MACROD2: variants seen among roughly 807,000 people sequenced by gnomAD.
MACROD2 encodes the protein mono-ADP ribosylhydrolase 2.
In MACROD2, 36 loss-of-function variants were observed where a neutral mutation model predicts 70.4. That is an observed-to-expected ratio of 0.51 (90% CI 0.39 to 0.68). The LOEUF is 0.68. Ranked by LOEUF, MACROD2 falls within the 30% of genes least tolerant of loss-of-function variation. The pLI is 0.00. For missense variants in MACROD2, 496 were observed against 538.4 expected (o/e 0.92, Z 0.78); for synonymous variants, 172 against 178.8 (o/e 0.96, Z 0.30).
At chr20:15,916,786 A>C (rs1353111037) in intron 10 of MACROD2, among the ~76,000 whole-genome samples, 1 of 152,224 alleles carries the variant, frequency 6.6e-6, no homozygotes, top group African/African-American at 2.4e-5. Flanking sequence ...AGGTTATCTT[A>C]ACAGAGGATC....
intron 2 of MACROD2, among the ~76,000 whole-genome samples, chr20:14,016,327 T>C (rs1030297862): frequency 1.3e-5 from 2 of 152,202 alleles, no homozygotes; most frequent in Non-Finnish European, 2.9e-5. Flanking sequence ...TTATCAGATA[T>C]ATTATTTGCA....
rs542404456 is a variant in MACROD2, at chr20:15,626,864, CA to C, written c.645+127026del. Among the ~76,000 whole-genome samples, 110 of 150,146 alleles carry C rather than the reference CA, an allele frequency of 7.3e-4. No homozygotes were observed. The Middle Eastern group carries it at 0.01, about 14-fold the overall frequency. ...AACAAGACTCCATACCCCACCCCCCCAAAAAAAAATTGCAAATGACTGTAAT... is the reference window on the plus strand; with the variant it reads ...AACAAGACTCCATACCCCACCCCCCCAAAAAAAATTGCAAATGACTGTAAT... On this transcript the variant is annotated intron_variant, in intron 8 of 17. Transcript: ENST00000684519.
chr20:15,824,582 T>G (rs1035077861), intron 8 of MACROD2, among the ~76,000 whole-genome samples: 2 of 152,198 alleles, frequency 1.3e-5, no homozygotes, highest in Non-Finnish European at 2.9e-5. Context: ...GACATAGTGA[T>G]GCTAGATATT....
At chr20:14,499,518 G>A (rs1428787781) in intron 4 of MACROD2, among the ~76,000 whole-genome samples, 1 of 152,006 alleles carries the variant, frequency 6.6e-6, no homozygotes, top group Non-Finnish European at 1.5e-5. Context: ...GGCCATCAGA[G>A]TGAGACCCTG....
intron 8 of MACROD2, among the ~76,000 whole-genome samples, chr20:15,612,461 G>A (rs1274989901): frequency 2.6e-5 from 4 of 152,226 alleles, no homozygotes; most frequent in Non-Finnish European, 5.9e-5. Flanking sequence ...AATCATGGGC[G>A]ATTGATTAAG....
chr20:15,292,565 A>T (rs760425180), intron 6 of MACROD2, among the ~76,000 whole-genome samples: 4 of 152,204 alleles, frequency 2.6e-5, no homozygotes, highest in Admixed American at 6.5e-5. Context: ...TGGAATATGT[A>T]ACAATTCAAA....
At chr20:15,770,476 C>T (rs2051606163) in intron 8 of MACROD2, among the ~76,000 whole-genome samples, 2 of 152,056 alleles carry the variant, frequency 1.3e-5, no homozygotes, top group African/African-American at 4.8e-5. Context: ...CATTTTTACT[C>T]ATCTCTGACT....
intron 15 of MACROD2, among the ~76,000 whole-genome samples, chr20:16,000,693 C>T (rs966078172): frequency 6.6e-6 from 1 of 152,162 alleles, no homozygotes; most frequent in Non-Finnish European, 1.5e-5. Context: ...TCTTAGTATA[C>T]TACAAGTCAG....
At chr20:15,484,127 T>A (rs1339437522) in intron 7 of MACROD2, among the ~76,000 whole-genome samples, 1 of 151,860 alleles carries the variant, frequency 6.6e-6, no homozygotes, top group Non-Finnish European at 1.5e-5. Context: ...ATTGTGATGC[T>A]GTTAAGTTCC....
chr20:14,279,094 T>C (rs2082283116), intron 3 of MACROD2, among the ~76,000 whole-genome samples: 1 of 152,134 alleles, frequency 6.6e-6, no homozygotes, highest in Non-Finnish European at 1.5e-5. Context: ...AATATCAAAA[T>C]GATGTTTGAA....
chr20:15,920,559 C>T (rs1301536987), intron 10 of MACROD2, among the ~76,000 whole-genome samples: 2 of 152,094 alleles, frequency 1.3e-5, no homozygotes, highest in Non-Finnish European at 2.9e-5. Flanking sequence ...TATTAAAAGA[C>T]CTCTGTTGCA....
chr20:15,655,613 G>GA (rs1292253542), intron 8 of MACROD2, among the ~76,000 whole-genome samples: 1 of 152,004 alleles, frequency 6.6e-6, no homozygotes, highest in Non-Finnish European at 1.5e-5. Context: ...TACCACAAAA[G>GA]AAAAAATGTA....
rs539492480 is a variant in MACROD2 at position 15,229,169 on chromosome 20, G to A, written c.419-771G>A. ...TACATTCCTAAAATTAAAAGTTTAC[G>A]TGTGTGTAGAGATTAAAAGAATAGC... is the stretch of plus-strand genomic sequence containing the variant. On this transcript the variant is annotated intron_variant, in intron 5 of 17. Coordinates refer to ENST00000684519, the MANE Select transcript of MACROD2 (RefSeq NM_001351661.2). Among the ~76,000 whole-genome samples the A allele has an allele frequency of 1.2e-4, 18 of 152,216 alleles. No individual in the cohort carries two copies. In the East Asian group the frequency reaches 1.9e-3, roughly 16 times the overall value.
At chr20:15,004,744 C>T (rs1055016057) in intron 5 of MACROD2, among the ~76,000 whole-genome samples, 1 of 152,090 alleles carries the variant, frequency 6.6e-6, no homozygotes, top group Non-Finnish European at 1.5e-5. Context: ...ACTATGTGCT[C>T]TAGAAAAGCT....
At position 15,773,655 on chromosome 20, in the gene MACROD2, A is replaced by G. The variant is rs4814400; in HGVS notation, c.646-89090A>G. Among the ~76,000 whole-genome samples, 601 of 152,256 alleles carry G rather than the reference A, an allele frequency of 3.9e-3. 12 individuals are homozygous for G. In the East Asian group the frequency reaches 0.062, roughly 16 times the overall value. ...CATTTCAGTCACAGGTTGATAACCTAAGCATTATAAACTTCAAGCAGTGTT... is the reference window on the plus strand; with the variant it reads ...CATTTCAGTCACAGGTTGATAACCTGAGCATTATAAACTTCAAGCAGTGTT... On this transcript the variant is annotated intron_variant, in intron 8 of 17. Coordinates refer to ENST00000684519, the MANE Select transcript of MACROD2 (RefSeq NM_001351661.2).
intron 4 of MACROD2, among the ~76,000 whole-genome samples, chr20:14,602,357 G>A (rs1247983055): frequency 6.6e-6 from 1 of 152,196 alleles, no homozygotes; most frequent in Non-Finnish European, 1.5e-5. Flanking sequence ...CATGTGTTAA[G>A]GGATGGACTT....
intron 5 of MACROD2, among the ~76,000 whole-genome samples, chr20:15,192,014 GTATCTATCTATCTATCTATCTATCTATC>G (rs71190179): frequency 3.1e-4 from 46 of 146,484 alleles, no homozygotes; most frequent in African/African-American, 1.2e-3. Context: ...TATTAACTAT[GTATCTATCTATCTATCTATCTATCTATC>G]TATCTATCTA....
intron 8 of MACROD2, among the ~76,000 whole-genome samples, chr20:15,643,236 C>T (rs2049489605): frequency 6.6e-6 from 1 of 152,182 alleles, no homozygotes; most frequent in Admixed American, 6.5e-5. Context: ...ACCTTGTTCC[C>T]CATGCTGTAG....
chr20:15,251,970 G>A (rs2077159786), intron 6 of MACROD2, among the ~76,000 whole-genome samples: 1 of 152,142 alleles, frequency 6.6e-6, no homozygotes, highest in African/African-American at 2.4e-5. Flanking sequence ...ATTAGCTAGT[G>A]TTTTGTAAGG....
Sources: gnomAD v4.1 joint callset for allele counts (sites outside exome capture counted in the v4.1 genomes callset) on GRCh38, gnomAD v4.1.1 for gene constraint, MANE v1.5 for transcripts, NCBI Gene and HGNC (gene_info 2026-07-23, HGNC 2026-07-21) for gene names.